Variants in USP34 observed in about 807,000 individuals in gnomAD.
USP34 encodes ubiquitin specific peptidase 34, also known as ubiquitin carboxyl-terminal hydrolase 34.
Under a neutral mutation model 460.3 loss-of-function variants are expected in USP34, and 70 were observed. The observed-to-expected ratio is 0.15, with a 90% CI of 0.13 to 0.19. The LOEUF (loss-of-function observed/expected upper bound fraction) is 0.19, where lower values mean the gene tolerates loss of function less well. Among genes scored for constraint, USP34 ranks in the 10% least tolerant of loss-of-function variants. The pLI is 1.00. For missense variants in USP34, 3,985 were observed against 4,236.2 expected (o/e 0.94, Z 1.65); for synonymous variants, 1,647 against 1,405.3 (o/e 1.17, Z -3.85).
chr2:61,342,310 T>TTC (rs1405386236), intron 16 of USP34, among the ~76,000 whole-genome samples: 14 of 146,536 alleles, frequency 9.6e-5, no homozygotes, highest in African/African-American at 3.5e-4. Flanking sequence ...TTTTTTTTTT[T>TTC]TTTTTTTTAA....
chr2:61,231,292 T>TG (rs1189399354), intron 58 of USP34, among the ~76,000 whole-genome samples: 5 of 145,676 alleles, frequency 3.4e-5, no homozygotes, highest in African/African-American at 5.0e-5. Flanking sequence ...GGTTTTTTTT[T>TG]GGTGGGGGGT....
intron 33 of USP34, 106 bp from the exon 34 acceptor site, chr2:61,288,983 T>A: frequency 1.8e-6 from 2 of 1,129,150 alleles, no homozygotes; most frequent in Middle Eastern, 2.7e-4. Flanking sequence ...TTATAGCTAG[T>A]ACTTAATCAT....
intron 10 of USP34, among the ~76,000 whole-genome samples, chr2:61,356,831 A>C (rs1326259598): frequency 6.6e-6 from 1 of 152,218 alleles, no homozygotes; most frequent in Admixed American, 6.5e-5. Context: ...TGAACTACAC[A>C]CTTAAAAATG....
intron 42 of USP34, 149 bp downstream of exon 42, chr2:61,265,832 ATGT>A (rs150868848): frequency 0.062 from 50,116 of 806,700 alleles, 1,840 homozygotes; most frequent in Non-Finnish European, 0.073. Flanking sequence ...CTTCACATCA[ATGT>A]TTACTTTTTA....
intron 51 of USP34, among the ~76,000 whole-genome samples, chr2:61,244,831 G>C (rs1010570233): frequency 6.6e-5 from 10 of 151,992 alleles, no homozygotes; most frequent in African/African-American, 2.4e-4. Context: ...TTGAGCCACA[G>C]TAAGCTAAGA....
At chr2:61,222,777 G>T in intron 64 of USP34, 114 bp from the exon 65 acceptor site, 1 of 952,204 alleles carries the variant, frequency 1.1e-6, no homozygotes, top group African/African-American at 1.6e-5. Flanking sequence ...GCTCACTGCA[G>T]CCTCCACTTC....
chr2:61,289,743 TGAA>T (rs969478626), intron 33 of USP34, among the ~76,000 whole-genome samples: 20 of 152,086 alleles, frequency 1.3e-4, no homozygotes, highest in African/African-American at 4.6e-4. Flanking sequence ...AATAGCCGTA[TGAA>T]GAAGGAAAAA....
At chr2:61,343,246 C>T (rs1361437241) in intron 16 of USP34, among the ~76,000 whole-genome samples, 1 of 152,156 alleles carries the variant, frequency 6.6e-6, no homozygotes, top group African/African-American at 2.4e-5. Context: ...TCTTGCTTTA[C>T]TCATTAATTC....
chr2:61,267,681 T>A (rs1413526264), intron 41 of USP34, among the ~76,000 whole-genome samples: 1 of 152,130 alleles, frequency 6.6e-6, no homozygotes, highest in Non-Finnish European at 1.5e-5. Flanking sequence ...TGGCGCCATC[T>A]CGGCTCACCC....
chr2:61,345,046 G>A (rs1691722716), intron 15 of USP34, among the ~76,000 whole-genome samples: 1 of 152,196 alleles, frequency 6.6e-6, no homozygotes, highest in Non-Finnish European at 1.5e-5. Context: ...GCCGAGGCAG[G>A]CGGATCATTT....
At chr2:61,322,606 AG>A (rs1690960264) in intron 21 of USP34, among the ~76,000 whole-genome samples, 1 of 152,242 alleles carries the variant, frequency 6.6e-6, no homozygotes, top group Non-Finnish European at 1.5e-5. Flanking sequence ...TACCATCAAA[AG>A]AAATTTCTTT....
At position 61,205,485 on chromosome 2, in the gene USP34, T is replaced by C. The variant is rs181061657; in HGVS notation, c.9154+532A>G. On this transcript the variant is annotated intron_variant, in intron 72 of 79. Transcript: ENST00000398571. ...CATGCTATTTTGAGAAAGTGTAAAA[T>C]AGTTACGGTCTCTCGAGAAGTTTCT... Among the ~76,000 whole-genome samples the C allele has an allele frequency of 1.6e-4, 24 of 152,190 alleles. 1 individual carries two copies. In the East Asian group the frequency reaches 4.4e-3, roughly 28 times the overall value.
chr2:61,223,336 C>T, intron 62 of USP34, 40 bp from the exon 63 acceptor site: 1 of 1,585,388 alleles, frequency 6.3e-7, no homozygotes, highest in East Asian at 2.2e-5. Context: ...TTTCTTCCTT[C>T]TGTATTACTT....
intron 43 of USP34, among the ~76,000 whole-genome samples, chr2:61,261,816 A>G (rs1366160556): frequency 6.6e-6 from 1 of 152,002 alleles, no homozygotes; most frequent in African/African-American, 2.4e-5. Flanking sequence ...TTCTGTTAAG[A>G]ATTTTTGGCT....
rs1687279074 is a variant in USP34, at chr2:61,211,774, T to C, written c.8838A>G (p.Ile2946Met). The C allele has an allele frequency of 6.4e-7, 1 of 1,573,680 alleles. No homozygotes were observed. Among genetic ancestry groups the C allele is most frequent in the African/African-American group, 1.4e-5 (1 of 71,216 alleles). The change falls in exon 69 of 80, where the codon ATA (isoleucine) becomes ATG (methionine). Residue 2946 changes from isoleucine to methionine, a missense_variant and splice_region_variant. Ile to Met is a conservative substitution (Grantham distance 10, BLOSUM62 1). Transcript: ENST00000398571. ...CAAAACTAAAAACATCTTTTTACCT[T>C]ATTAAAGTAGTCCAGCAGGAGCGGC... ...LDGRSCWTTL[I>M]SAFRILLESD...
Position 61,223,047 on chromosome 2 carries a change from C to CCTTAGCACTTACATGTTCTGCAA in USP34, c.7739_7749+12dup. On this transcript the variant is annotated intron_variant, in intron 64 of 79. Transcript: ENST00000398571. ...ATTTCCAAAAATCTTTAAGACTGTT[C>CCTTAGCACTTACATGTTCTGCAA]CTTAGCACTTACATGTTCTGCAAGT... The CCTTAGCACTTACATGTTCTGCAA allele has an allele frequency of 6.2e-7, 1 of 1,604,982 alleles. No homozygotes were observed. The highest frequency in any genetic ancestry group is 8.5e-7 in the Non-Finnish European group (1 of 1,174,046).
chr2:61,262,086 GTC>G, intron 43 of USP34, among the ~76,000 whole-genome samples: 1 of 17,646 alleles, frequency 5.7e-5, no homozygotes, highest in Non-Finnish European at 1.0e-4. Context: ...GCAAGACTTC[GTC>G]AAAAAAAAAA....
At chr2:61,369,179 G>C (rs1045382635) in intron 10 of USP34, among the ~76,000 whole-genome samples, 40 of 152,262 alleles carry the variant, frequency 2.6e-4, no homozygotes, top group Non-Finnish European at 4.6e-4. Context: ...AAATTAAGGG[G>C]AAAGTGAAAC....
chr2:61,290,785 C>T (rs535539308), intron 33 of USP34, among the ~76,000 whole-genome samples: 6 of 152,158 alleles, frequency 3.9e-5, no homozygotes, highest in African/African-American at 1.4e-4. Flanking sequence ...ATACTGCAAC[C>T]TCACATCATA....
Sources: gnomAD v4.1 joint callset for allele counts (sites outside exome capture counted in the v4.1 genomes callset) on GRCh38, gnomAD v4.1.1 for gene constraint, MANE v1.5 for transcripts, NCBI Gene and HGNC (gene_info 2026-07-23, HGNC 2026-07-21) for gene names.